Variants in SORCS2 observed in about 807,000 individuals in gnomAD.
The protein encoded by SORCS2 is VPS10 domain-containing receptor SorCS2.
A neutral mutation model predicts 141.6 loss-of-function variants in SORCS2; 100 were observed. The observed-to-expected ratio is 0.71, with a 90% confidence interval of 0.60 to 0.83. The LOEUF (loss-of-function observed/expected upper bound fraction) is 0.83. Among genes scored for constraint, SORCS2 ranks in the 40% least tolerant of loss-of-function variants. The pLI is 0.00. For missense variants in SORCS2, 1,646 were observed against 1,560.2 expected, an observed-to-expected ratio of 1.05 and a Z score of -0.93; for synonymous variants, 789 against 676.9, an observed-to-expected ratio of 1.17 and a Z score of -2.57.
At chr4:7,486,133 C>T (rs556617004) in intron 2 of SORCS2, among the ~76,000 whole-genome samples, 2 of 152,246 alleles carry the variant, frequency 1.3e-5, no homozygotes, top group African/African-American at 4.8e-5. Flanking sequence ...GCCCCTCGTG[C>T]GCGTGACAGG....
chr4:7,646,693 G>C (rs1163339540), intron 4 of SORCS2, among the ~76,000 whole-genome samples: 7 of 152,322 alleles, frequency 4.6e-5, no homozygotes, highest in Non-Finnish European at 8.8e-5. Context: ...CGAGGGAGAA[G>C]GCGGCGTTTG....
At chr4:7,548,611 C>T (rs1268337465) in intron 3 of SORCS2, among the ~76,000 whole-genome samples, 1 of 152,102 alleles carries the variant, frequency 6.6e-6, no homozygotes, top group Non-Finnish European at 1.5e-5. Context: ...GAACCCTGGG[C>T]ATCTTGTGCC....
intron 2 of SORCS2, among the ~76,000 whole-genome samples, chr4:7,398,649 T>G (rs1724374125): frequency 6.6e-6 from 1 of 152,220 alleles, no homozygotes; most frequent in Admixed American, 6.5e-5. Flanking sequence ...TTTATATAGG[T>G]AGAGACACAG....
intron 1 of SORCS2, among the ~76,000 whole-genome samples, chr4:7,229,705 T>G (rs1399621463): frequency 6.6e-6 from 1 of 152,260 alleles, no homozygotes; most frequent in Non-Finnish European, 1.5e-5. Flanking sequence ...GTGTTAGATC[T>G]GCATGGTGTT....
At chr4:7,654,563 A>G (rs1721641629) in intron 5 of SORCS2, among the ~76,000 whole-genome samples, 1 of 152,190 alleles carries the variant, frequency 6.6e-6, no homozygotes, top group East Asian at 1.9e-4. Context: ...GTGCTGATGT[A>G]CACATGTCCC....
intron 1 of SORCS2, among the ~76,000 whole-genome samples, chr4:7,243,402 T>C (rs1213338545): frequency 6.6e-6 from 1 of 151,908 alleles, no homozygotes; most frequent in Non-Finnish European, 1.5e-5. Flanking sequence ...CTAGGAGTGG[T>C]GATTTGCTAG....
At chr4:7,293,483 A>T (rs1024354687) in intron 1 of SORCS2, among the ~76,000 whole-genome samples, 2 of 152,166 alleles carry the variant, frequency 1.3e-5, no homozygotes, top group African/African-American at 2.4e-5. Flanking sequence ...GTCTCCAATG[A>T]TCCCTCTGCT....
chr4:7,633,643 T>A (rs560826627), intron 3 of SORCS2, among the ~76,000 whole-genome samples: 2 of 152,004 alleles, frequency 1.3e-5, no homozygotes, highest in Admixed American at 6.6e-5. Context: ...AGTGGATGAG[T>A]TTTTTCTATG....
At chr4:7,256,894 C>T (rs1175144932) in intron 1 of SORCS2, among the ~76,000 whole-genome samples, 1 of 152,036 alleles carries the variant, frequency 6.6e-6, no homozygotes, top group Non-Finnish European at 1.5e-5. Flanking sequence ...ATTGAATCTC[C>T]AGGCAGAGTG....
rs751180259 is a variant in SORCS2, at chr4:7,734,360, C to T, written c.3297C>T (p.Leu1099=). The part of the protein sequence containing the change: ...IGLFAAGAFI[L]YKFKRKRPGR... ...TCTTCGCAGCGGGAGCCTTCATCCT[C>T]TACAAGTTCAAAAGGCAAGGCCCTT... is the stretch of plus-strand genomic sequence containing the variant. The change falls in exon 25 of 27, where the codon CTC becomes CTT. Residue 1099 remains leucine (L), a synonymous_variant. Coordinates refer to ENST00000507866, the MANE Select transcript of SORCS2 (RefSeq NM_020777.3). 3 of 1,564,228 alleles carry T rather than the reference C, an allele frequency of 1.9e-6. No individual in the cohort carries two copies. Among genetic ancestry groups the T allele is most frequent in the Non-Finnish European group, 2.6e-6 (3 of 1,154,636 alleles).
intron 1 of SORCS2, among the ~76,000 whole-genome samples, chr4:7,247,821 G>A (rs1205225636): frequency 1.3e-5 from 2 of 152,250 alleles, no homozygotes; most frequent in Admixed American, 6.5e-5. Context: ...GAGGACCACT[G>A]CGTGGTCAGA....
chr4:7,658,393 A>T (rs541784248), intron 5 of SORCS2, among the ~76,000 whole-genome samples: 1 of 152,308 alleles, frequency 6.6e-6, no homozygotes, highest in East Asian at 1.9e-4. Context: ...CTCTTCACAG[A>T]TGATGGATGA....
At chr4:7,697,488 C>T (rs752036398) in intron 12 of SORCS2, among the ~76,000 whole-genome samples, 5 of 152,192 alleles carry the variant, frequency 3.3e-5, no homozygotes, top group Non-Finnish European at 5.9e-5. Flanking sequence ...GCAGATGGCT[C>T]GGACCACCCA....
intron 23 of SORCS2, among the ~76,000 whole-genome samples, chr4:7,732,793 G>A (rs992389889): frequency 6.6e-5 from 10 of 152,136 alleles, no homozygotes; most frequent in Non-Finnish European, 1.0e-4. Context: ...CCATGTCTCG[G>A]TCGCCTTTGT....
chr4:7,278,295 C>A (rs146751453), intron 1 of SORCS2, among the ~76,000 whole-genome samples: 1 of 152,212 alleles, frequency 6.6e-6, no homozygotes. Context: ...GCATTGCCAG[C>A]ACTGATGTCT....
chr4:7,515,819 T>TCAG (rs1262110650), intron 2 of SORCS2, among the ~76,000 whole-genome samples: 2 of 152,312 alleles, frequency 1.3e-5, no homozygotes, highest in African/African-American at 4.8e-5. Context: ...GGAGTAGCCC[T>TCAG]GGCAAAGAAA....
chr4:7,267,330 G>A (rs1472609213), intron 1 of SORCS2, among the ~76,000 whole-genome samples: 6 of 152,194 alleles, frequency 3.9e-5, no homozygotes, highest in Non-Finnish European at 7.3e-5. Context: ...TGAGGGCAGA[G>A]CCTGGGAGAT....
intron 1 of SORCS2, among the ~76,000 whole-genome samples, chr4:7,293,688 T>C (rs1716762663): frequency 6.6e-6 from 1 of 152,182 alleles, no homozygotes; most frequent in African/African-American, 2.4e-5. Flanking sequence ...GGGGACACAG[T>C]CAATGCCTTG....
chr4:7,425,501 C>A (rs1380699356), intron 2 of SORCS2, among the ~76,000 whole-genome samples: 7 of 152,182 alleles, frequency 4.6e-5, no homozygotes. Context: ...CTCCCACTGT[C>A]CTAAATAAAT....
Sources: allele counts gnomAD v4.1 joint callset (sites outside exome capture counted in the v4.1 genomes callset), GRCh38; gene constraint gnomAD v4.1.1; transcripts MANE v1.5; gene names NCBI Gene and HGNC (gene_info 2026-07-23, HGNC 2026-07-21).